Variants in GPR35 observed in about 807,000 individuals in gnomAD.
The protein encoded by GPR35 is KYNA receptor.
For synonymous variants in GPR35, 207 were observed against 198.4 expected (o/e 1.04, Z -0.36); for missense variants, 372 against 422.5 (o/e 0.88, Z 1.05).
chr2:240,613,336 G>C (rs764516759), intron 2 of GPR35, among the ~76,000 whole-genome samples: 3 of 152,096 alleles, frequency 2.0e-5, no homozygotes, highest in Non-Finnish European at 2.9e-5. Flanking sequence ...GTGTTGGAGG[G>C]TGTGCATTTG....
At chr2:240,619,162 A>G (rs1314392265) in intron 5 of GPR35, 1 of 558,206 alleles carries the variant, frequency 1.8e-6, no homozygotes, top group East Asian at 3.1e-5. Context: ...AATGGGTGAT[A>G]TCCGAGGACG....
upstream of GPR35, among the ~76,000 whole-genome samples, chr2:240,625,023 C>T (rs886843728): frequency 3.3e-5 from 5 of 152,050 alleles, no homozygotes; most frequent in Non-Finnish European, 5.9e-5. Flanking sequence ...AAGGCGCCCA[C>T]GGAGCGTGTC....
chr2:240,622,852 G>A (rs1041062521), upstream of GPR35, among the ~76,000 whole-genome samples: 4 of 152,220 alleles, frequency 2.6e-5, no homozygotes, highest in Non-Finnish European at 4.4e-5. Flanking sequence ...GAGGCTGGGG[G>A]CGGAGGGCCC....
chr2:240,618,980 G>A (rs6437353), exon 5 of GPR35: 360,418 of 702,058 alleles, frequency 0.51, 95,130 homozygotes, highest in South Asian at 0.58. Flanking sequence ...ACTCCACACC[G>A]TGGCAGTGAA....
rs543091271 is a variant in GPR35, at chr2:240,630,721, G to T, written c.769G>T (p.Ala257Ser). The T allele has an allele frequency of 6.2e-7, 1 of 1,613,532 alleles. No individual in the cohort carries two copies. The highest frequency in any genetic ancestry group is 1.7e-5 in the Admixed American group (1 of 60,030). Reference protein sequence around the residue: ...ACALLETIRRALYITSKLSDA... With the variant: ...ACALLETIRRSLYITSKLSDA... ...TGCCCTCCTGGAGACGATCCGTCGCGCCCTGTACATAACCAGCAAGCTCTC... is the reference window on the plus strand; with the variant it reads ...TGCCCTCCTGGAGACGATCCGTCGCTCCCTGTACATAACCAGCAAGCTCTC... The change falls in exon 2 of 2, where the codon GCC becomes TCC. Residue 257 changes from alanine to serine, a missense_variant. Transcript: ENST00000407714.
intron 5 of GPR35, among the ~76,000 whole-genome samples, chr2:240,619,833 G>A (rs578161460): frequency 4.6e-5 from 7 of 152,306 alleles, no homozygotes; most frequent in African/African-American, 7.2e-5. Context: ...GCAGGTTCCC[G>A]AGCCAGGAAG....
upstream of GPR35, chr2:240,625,119 C>G (rs1297640327): frequency 1.1e-5 from 3 of 284,630 alleles, no homozygotes; most frequent in African/African-American, 6.8e-5. Flanking sequence ...ACCGCAGACC[C>G]TGGGAGGGCT....
intron 5 of GPR35, among the ~76,000 whole-genome samples, chr2:240,619,835 G>C (rs2043273812): frequency 6.6e-6 from 1 of 152,156 alleles, no homozygotes; most frequent in African/African-American, 2.4e-5. Context: ...AGGTTCCCGA[G>C]CCAGGAAGTG....
At chr2:240,622,516 C>T (rs898609718), upstream of GPR35, among the ~76,000 whole-genome samples, 16 of 152,152 alleles carry the variant, frequency 1.1e-4, no homozygotes, top group African/African-American at 2.4e-4. Context: ...CTAACACTCA[C>T]GATAGCTGAT....
chr2:240,626,283 G>A (rs867660986), intron 1 of GPR35, among the ~76,000 whole-genome samples: 133 of 102,598 alleles, frequency 1.3e-3, no homozygotes, highest in Non-Finnish European at 1.7e-3. Flanking sequence ...GTCTCAGAGC[G>A]GGGTGAGGCT....
chr2:240,632,254 C>G lies in GPR35; in HGVS notation c.*1372C>G, dbSNP rs1274663605. On this transcript the variant is annotated 3_prime_UTR_variant, in exon 2 of 2. Transcript: ENST00000407714. ...GGGTCCATGCTCAGGAGGGTTCATG[C>G]CCAGGAGAGTTTATGCCCTGGAGGG... Among the ~76,000 whole-genome samples the G allele has an allele frequency of 1.3e-5, 2 of 151,172 alleles. No homozygotes were observed. Among genetic ancestry groups the G allele is most frequent in the African/African-American group, 4.9e-5 (2 of 41,056 alleles).
At chr2:240,610,379 T>G (rs1379945951) in intron 2 of GPR35, among the ~76,000 whole-genome samples, 1 of 152,260 alleles carries the variant, frequency 6.6e-6, no homozygotes, top group Non-Finnish European at 1.5e-5. Context: ...TCCATTCTTT[T>G]ACATTGTTTT....
At chr2:240,628,803 ATGGT>A (rs943522630) in intron 1 of GPR35, 14 of 152,302 alleles carry the variant, frequency 9.2e-5, no homozygotes, top group African/African-American at 3.1e-4. Context: ...GGACAGCCTG[ATGGT>A]TGGGGGAGAG....
rs1303179843 is a variant in GPR35, at chr2:240,631,459, G to A, written c.*577G>A. Among the ~76,000 whole-genome samples the A allele has an allele frequency of 6.6e-6, 1 of 152,128 alleles. No individual in the cohort carries two copies. Among genetic ancestry groups the A allele is most frequent in the Admixed American group, 6.5e-5 (1 of 15,288 alleles). Reference sequence around the variant, plus strand: ...GGAAGCTCCTGGCAGGACCACAGTAGAGGCCCCCAGCCCAGGTTTCCTTGC... The same window carrying A: ...GGAAGCTCCTGGCAGGACCACAGTAAAGGCCCCCAGCCCAGGTTTCCTTGC... On this transcript the variant is annotated 3_prime_UTR_variant, in exon 2 of 2. Coordinates refer to ENST00000407714, the MANE Select transcript of GPR35 (RefSeq NM_005301.5).
chr2:240,622,989 T>C (rs2043313894), upstream of GPR35, among the ~76,000 whole-genome samples: 10 of 152,218 alleles, frequency 6.6e-5, no homozygotes, highest in South Asian at 1.9e-3. Context: ...CCATCTGGCC[T>C]CTCGAACCTG....
Position 240,632,519 on chromosome 2 carries a change from G to T in GPR35, c.*1637G>T, listed in dbSNP as rs1025051437. Among the ~76,000 whole-genome samples the T allele has an allele frequency of 2.6e-5, 4 of 151,374 alleles. No homozygotes were observed. Among genetic ancestry groups the T allele is most frequent in the Middle Eastern group, 3.2e-3 (1 of 308 alleles). ...GCCCAGGAGGGTCCATGTCAAGGAG[G>T]TTCCATGCCCAGGAGGGTCCATGCT... On this transcript the variant is annotated 3_prime_UTR_variant, in exon 2 of 2. Coordinates refer to ENST00000407714, the MANE Select transcript of GPR35 (RefSeq NM_005301.5).
intron 2 of GPR35, chr2:240,607,483 G>C (rs1320961498): frequency 1.3e-5 from 2 of 152,192 alleles, no homozygotes; most frequent in East Asian, 3.9e-4. Context: ...GGGCCACTGT[G>C]CTGAACCCTG....
In GPR35 at chr2:240,614,898, AT is replaced by A. The variant is rs1369451324; in HGVS notation, c.-576-1489del. ...TCTATATATATGTGTATGTGTATAT[AT>A]GTATATATGTGTGCATATATATGCA... is the stretch of plus-strand genomic sequence containing the variant. On this transcript the variant is annotated intron_variant, in intron 2 of 5. Transcript: ENST00000319838. 5.3e-5 allele frequency among the ~76,000 whole-genome samples: 8 copies of A among 152,244 alleles called. No individual in the cohort carries two copies. The East Asian group carries it at 7.7e-4, about 15-fold the overall frequency.
At chr2:240,623,408 AAACAGATCGTGAGGGCG>A (rs2043327201), upstream of GPR35, among the ~76,000 whole-genome samples, 19 of 75,618 alleles carry the variant, frequency 2.5e-4, 1 homozygote, top group African/African-American at 7.1e-4. Flanking sequence ...GTGAGGGCGC[AAACAGATCGTGAGGGCG>A]CAAACAGGTC....
Sources: gnomAD v4.1 joint callset for allele counts (sites outside exome capture counted in the v4.1 genomes callset) on GRCh38, gnomAD v4.1.1 for gene constraint, MANE v1.5 for transcripts, NCBI Gene and HGNC (gene_info 2026-07-23, HGNC 2026-07-21) for gene names.